Variants in IL32 observed in about 807,000 individuals in gnomAD.
IL32 encodes the protein interleukin 32.
In IL32, 30 loss-of-function variants were observed where a neutral mutation model predicts 16.6. That is an observed-to-expected ratio of 1.81 (90% CI 1.35 to 2.45). IL32 has a LOEUF of 2.45. Ranked by LOEUF, IL32 falls within the 30% of genes most tolerant of loss-of-function variation. The probability of loss-of-function intolerance (pLI) is 0.00; values close to 1 mark genes in which losing one functional copy is unlikely to be tolerated. For synonymous variants in IL32, 70 were observed against 86.1 expected (o/e 0.81, Z 1.03); for missense variants, 234 against 229.8 (o/e 1.02, Z -0.12).
chr16:3,068,278 T>C, intron 6 of IL32, 39 bp downstream of exon 6: 2 of 1,498,652 alleles, frequency 1.3e-6, no homozygotes, highest in Middle Eastern at 1.7e-4. Flanking sequence ...TTGCCTTCCT[T>C]CACCTCTGCC....
At position 3,069,287 on chromosome 16, in the gene IL32, G is replaced by A. The variant is rs779696582; in HGVS notation, c.499G>A (p.Gly167Arg). 9.3e-6 allele frequency: 15 copies of A among 1,614,002 alleles called. No homozygotes were observed. Among genetic ancestry groups the A allele is most frequent in the Admixed American group, 3.3e-5 (2 of 60,004 alleles). Residue 167 changes from glycine to arginine, a missense_variant, in exon 7 of 7, where the codon GGA (glycine) becomes AGA (arginine). Gly to Arg is a moderately radical substitution (Grantham distance 125). Coordinates refer to ENST00000525643, the MANE Select transcript of IL32 (RefSeq NM_001376923.1). ...CTTCATGTCCTCTTTCCAGTCCTAC[G>A]GAGCCCCACGGGGGGACAAGGAGGA... ...ELFMSSFQSY[G>R]APRGDKEELT...
intron 4 of IL32, 47 bp from the exon 5 acceptor site, chr16:3,067,937 G>C (rs748819339): frequency 5.6e-6 from 9 of 1,610,040 alleles, no homozygotes; most frequent in Middle Eastern, 1.7e-4. Context: ...CTGATGTGGG[G>C]TGCAGAGGAG....
rs1956494287 is a variant in IL32 at position 3,067,360 on chromosome 16, C to T, written c.16-17C>T. The T allele has an allele frequency of 1.3e-6, 2 of 1,481,508 alleles. No homozygotes were observed. Among genetic ancestry groups the T allele is most frequent in the East Asian group, 2.3e-5 (1 of 43,896 alleles). The allele number at this position is 1,481,508 out of a possible 1,614,324, so 91.8% of individuals were successfully genotyped here. A position where few individuals can be genotyped will look rare whatever the true frequency, so the allele number is the denominator to read the frequency against. ...AAGGTGACACATGGAGACTGAGTGT[C>T]ACCGTTATTTCCGCAGGTCCTCTCT... On this transcript the variant is annotated splice_polypyrimidine_tract_variant and intron_variant, in intron 2 of 6. Transcript: ENST00000525643.
intron 2 of IL32, among the ~76,000 whole-genome samples, chr16:3,066,758 A>G (rs1404477098): frequency 2.0e-5 from 3 of 152,062 alleles, no homozygotes; most frequent in Admixed American, 1.3e-4. Flanking sequence ...TACCTTCTCA[A>G]TTGTCATGTC....
intron 3 of IL32, 60 bp downstream of exon 3, chr16:3,067,475 T>C: frequency 3.1e-6 from 5 of 1,613,874 alleles, no homozygotes; most frequent in Non-Finnish European, 4.2e-6. Context: ...CGTGTGACAC[T>C]GAGGACACTG....
chr16:3,068,540 TA>T (rs1956696513), intron 6 of IL32: 6 of 436,952 alleles, frequency 1.4e-5, no homozygotes, highest in Non-Finnish European at 2.1e-5. Flanking sequence ...CTTGAACTCC[TA>T]ACCTTGTGTT....
chr16:3,066,669 G>A (rs936280907), intron 2 of IL32, among the ~76,000 whole-genome samples: 4 of 152,192 alleles, frequency 2.6e-5, no homozygotes, highest in African/African-American at 9.7e-5. Context: ...TTGGCAGTCG[G>A]GAAGAGTGGC....
chr16:3,068,314 T>C (rs1956662906), intron 6 of IL32, 75 bp downstream of exon 6: 6 of 1,368,112 alleles, frequency 4.4e-6, no homozygotes, highest in Admixed American at 4.0e-5. Flanking sequence ...TTCTTTCTTT[T>C]TGTTTATTTG....
intron 6 of IL32, chr16:3,068,671 G>A (rs1956711064): frequency 6.8e-6 from 3 of 440,668 alleles, no homozygotes; most frequent in East Asian, 4.6e-5. Context: ...AGCTTGGGGT[G>A]GAGGGCTGGG....
intron 5 of IL32, 57 bp from the exon 6 acceptor site, chr16:3,068,123 C>T: frequency 2.5e-6 from 4 of 1,602,880 alleles, no homozygotes; most frequent in Non-Finnish European, 3.4e-6. Context: ...GTGGGGGCCA[C>T]AGTGGGAAGG....
At chr16:3,068,565 C>T in intron 6 of IL32, 1 of 418,686 alleles carries the variant, frequency 2.4e-6, no homozygotes, top group Non-Finnish European at 4.4e-6. Flanking sequence ...TCTGCCTTGG[C>T]CTCCCAAAGT....
Sources: allele counts gnomAD v4.1 joint callset (sites outside exome capture counted in the v4.1 genomes callset), GRCh38; gene constraint gnomAD v4.1.1; transcripts MANE v1.5; gene names NCBI Gene and HGNC (gene_info 2026-07-23, HGNC 2026-07-21).